AQP9: variants seen among roughly 807,000 people sequenced by gnomAD.
The protein encoded by AQP9 is aquaporin 9.
Under a neutral mutation model 23.8 loss-of-function variants are expected in AQP9, and 19 were observed. The observed-to-expected ratio is 0.80, with a 90% CI of 0.56 to 1.17. The LOEUF (loss-of-function observed/expected upper bound fraction) is 1.17. Ranked by LOEUF, AQP9 falls within the 50% of genes most tolerant of loss-of-function variation. The pLI is 0.00. For missense variants in AQP9, 413 were observed against 362.0 expected (o/e 1.14, Z -1.14); for synonymous variants, 153 against 131.5 (o/e 1.16, Z -1.12).
chr15:58,149,836 T>G (rs1037574952), intron 1 of AQP9, among the ~76,000 whole-genome samples: 37 of 152,190 alleles, frequency 2.4e-4, no homozygotes, highest in African/African-American at 8.9e-4. Flanking sequence ...AAGCCCTAAA[T>G]GACTCCCTTC....
intron 1 of AQP9, among the ~76,000 whole-genome samples, chr15:58,159,057 G>A (rs1000599136): frequency 2.0e-5 from 3 of 152,142 alleles, no homozygotes; most frequent in Non-Finnish European, 4.4e-5. Flanking sequence ...GATTTGAGCA[G>A]GGTTACGTGC....
chr15:58,177,406 G>A (rs1261138564), intron 4 of AQP9, among the ~76,000 whole-genome samples: 6 of 152,208 alleles, frequency 3.9e-5, no homozygotes, highest in African/African-American at 1.4e-4. Flanking sequence ...AGAATGTCAT[G>A]GAAGCCCAGA....
chr15:58,175,393 A>G (rs1319017184), intron 4 of AQP9, among the ~76,000 whole-genome samples: 1 of 152,220 alleles, frequency 6.6e-6, no homozygotes, highest in Non-Finnish European at 1.5e-5. Flanking sequence ...AGATATTTCT[A>G]TTTCAAATCA....
rs553410942 is a variant in AQP9, at chr15:58,159,370, C to T, written c.112-7303C>T. Among the ~76,000 whole-genome samples, 14 of 152,104 alleles carry T rather than the reference C, an allele frequency of 9.2e-5. No homozygotes were observed. In the South Asian group the frequency reaches 2.7e-3, roughly 29 times the overall value. On this transcript the variant is annotated intron_variant, in intron 1 of 5. Coordinates refer to ENST00000219919, the MANE Select transcript of AQP9 (RefSeq NM_020980.5). ...ATTCAGGGTAGTTTTGCTTCCTGCG[C>T]TTCTTTTTTTATTCATACATAACAG... is the stretch of plus-strand genomic sequence containing the variant.
intron 1 of AQP9, among the ~76,000 whole-genome samples, chr15:58,140,226 G>C (rs1230010849): frequency 7.1e-5 from 10 of 141,676 alleles, no homozygotes; most frequent in Non-Finnish European, 1.2e-4. Context: ...CAACCAAAAA[G>C]TTTAAAACCC....
intron 1 of AQP9, among the ~76,000 whole-genome samples, chr15:58,156,626 A>C (rs1898265574): frequency 6.6e-6 from 1 of 152,196 alleles, no homozygotes; most frequent in South Asian, 2.1e-4. Flanking sequence ...CCCTGTAAAT[A>C]GCATGCAGTT....
Position 58,166,657 on chromosome 15 carries a change from T to C in AQP9, c.112-16T>C, listed in dbSNP as rs1347640815. On this transcript the variant is annotated splice_polypyrimidine_tract_variant and intron_variant, in intron 1 of 5. Transcript: ENST00000219919. The stretch of plus-strand genomic sequence containing the variant: ...AGCCATCCCCACTTACCTGTTGAGT[T>C]TTCCTCTCATTCCAGGTCCTTGGAT... The C allele has an allele frequency of 6.2e-7, 1 of 1,603,158 alleles. No individual in the cohort carries two copies. Among genetic ancestry groups the C allele is most frequent in the Non-Finnish European group, 8.5e-7 (1 of 1,175,038 alleles).
chr15:58,141,568 T>C (rs1008926920), intron 1 of AQP9, among the ~76,000 whole-genome samples: 2 of 152,128 alleles, frequency 1.3e-5, no homozygotes, highest in Admixed American at 1.3e-4. Flanking sequence ...ACACAGACTA[T>C]GGAGGAAATA....
chr15:58,169,606 T>C (rs138036245), intron 2 of AQP9, among the ~76,000 whole-genome samples: 88 of 152,306 alleles, frequency 5.8e-4, no homozygotes, highest in African/African-American at 2.0e-3. Flanking sequence ...GTAACCAATT[T>C]ATACTGAGCA....
chr15:58,160,164 C>A (rs1279275446), intron 1 of AQP9, among the ~76,000 whole-genome samples: 2 of 152,096 alleles, frequency 1.3e-5, no homozygotes, highest in African/African-American at 2.4e-5. Context: ...ATCCATTATT[C>A]CCTTTTTGAT....
At chr15:58,166,899 A>C in intron 2 of AQP9, 100 bp downstream of exon 2, 1 of 1,416,696 alleles carries the variant, frequency 7.1e-7, no homozygotes, top group Non-Finnish European at 9.3e-7. Context: ...TTATATCTCA[A>C]AAATCCTGCA....
At chr15:58,157,637 T>C (rs1178273433) in intron 1 of AQP9, among the ~76,000 whole-genome samples, 3 of 152,092 alleles carry the variant, frequency 2.0e-5, no homozygotes, top group Non-Finnish European at 4.4e-5. Flanking sequence ...GGAGTGTGCA[T>C]TGATAACCAC....
chr15:58,161,741 T>G (rs551168958), intron 1 of AQP9, among the ~76,000 whole-genome samples: 8 of 152,228 alleles, frequency 5.3e-5, no homozygotes, highest in Non-Finnish European at 1.2e-4. Flanking sequence ...TATCCTACCC[T>G]TATTATTTCT....
At chr15:58,151,254 C>T (rs1898142762) in intron 1 of AQP9, 1 of 152,046 alleles carries the variant, frequency 6.6e-6, no homozygotes, top group African/African-American at 2.4e-5. Flanking sequence ...CGCAGTATGC[C>T]TTGCCTTACT....
At chr15:58,174,146 G>T (rs1052901559) in intron 3 of AQP9, among the ~76,000 whole-genome samples, 1 of 152,042 alleles carries the variant, frequency 6.6e-6, no homozygotes, top group South Asian at 2.1e-4. Flanking sequence ...AAATAAGCCA[G>T]GTGTGGTAAC....
At chr15:58,165,566 C>T (rs746465998) in intron 1 of AQP9, among the ~76,000 whole-genome samples, 4 of 152,122 alleles carry the variant, frequency 2.6e-5, no homozygotes, top group Admixed American at 6.6e-5. Context: ...ATTGGCAGCA[C>T]GTTTTAGCAC....
intron 2 of AQP9, among the ~76,000 whole-genome samples, chr15:58,167,373 G>T (rs1316476502): frequency 6.6e-6 from 1 of 152,222 alleles, no homozygotes; most frequent in African/African-American, 2.4e-5. Flanking sequence ...GGAAGCGACT[G>T]TGGAAATGAT....
chr15:58,170,986 G>A (rs548969893), intron 2 of AQP9, among the ~76,000 whole-genome samples: 7 of 151,566 alleles, frequency 4.6e-5, no homozygotes, highest in East Asian at 3.9e-4. Flanking sequence ...GTGCAGTGGC[G>A]CAATCTCTGC....
intron 1 of AQP9, among the ~76,000 whole-genome samples, chr15:58,156,426 C>T (rs1367728493): frequency 1.3e-5 from 2 of 152,140 alleles, no homozygotes; most frequent in Non-Finnish European, 1.5e-5. Context: ...AACTATAACA[C>T]ATTCACCGTA....
Sources: allele counts gnomAD v4.1 joint callset (sites outside exome capture counted in the v4.1 genomes callset), GRCh38; gene constraint gnomAD v4.1.1; transcripts MANE v1.5; gene names NCBI Gene and HGNC (gene_info 2026-07-23, HGNC 2026-07-21).